The following SEC16A variants were observed in gnomAD, a reference collection of about 807,000 sequenced individuals.
SEC16A encodes the protein SEC16 homolog A, endoplasmic reticulum export factor, also known as protein transport protein Sec16A.
Under a neutral mutation model 221.9 loss-of-function variants are expected in SEC16A, and 110 were observed. The ratio of observed to expected loss-of-function variants is 0.50; its 90% CI spans 0.42 to 0.58. The LOEUF is 0.58. SEC16A is among the 20% of genes least tolerant of loss of function. The probability of loss-of-function intolerance (pLI) is 0.00; values close to 1 mark genes in which losing one functional copy is unlikely to be tolerated. For synonymous variants in SEC16A, 1,393 were observed against 1,257.7 expected, an observed-to-expected ratio of 1.11 and a Z score of -2.28; for missense variants, 3,165 against 3,097.8, an observed-to-expected ratio of 1.02 and a Z score of -0.52.
At position 136,476,284 on chromosome 9, in the gene SEC16A, C is replaced by T. The variant is rs375447492; in HGVS notation, c.1332G>A (p.Ala444=). 3.8e-5 allele frequency: 62 copies of T among 1,613,164 alleles called. No homozygotes were observed. The highest frequency in any genetic ancestry group is 4.8e-5 in the Non-Finnish European group (57 of 1,179,878). The part of the protein sequence containing the change: ...EAAGDVWGDT[A]STGVPDASGS... The stretch of plus-strand genomic sequence containing the variant: ...CGCTGGCATCCGGCACCCCTGTGCT[C>T]GCTGTGTCACCCCACACATCACCAG... The change falls in exon 3 of 32, where the codon GCG becomes GCA. Residue 444 remains alanine, a synonymous_variant. Coordinates refer to ENST00000684901, the MANE Select transcript of SEC16A (RefSeq NM_014866.2).
At chr9:136,456,532 G>C (rs549730939) in intron 18 of SEC16A, among the ~76,000 whole-genome samples, 4 of 152,198 alleles carry the variant, frequency 2.6e-5, no homozygotes, top group South Asian at 2.1e-4. Context: ...CGGGACAGAG[G>C]GGGCAGAACA....
chr9:136,476,707 C>A lies in SEC16A; in HGVS notation c.909G>T (p.Arg303Ser). 1 of 1,584,000 alleles carries A rather than the reference C, an allele frequency of 6.3e-7. No homozygotes were observed. Among genetic ancestry groups the A allele is most frequent in the South Asian group, 1.1e-5 (1 of 87,364 alleles). ...AGTGATTCACAATTCTGGGATTTTGCCTGAATGTACTTTCAGGATCAGAGT... is the reference window on the plus strand; with the variant it reads ...AGTGATTCACAATTCTGGGATTTTGACTGAATGTACTTTCAGGATCAGAGT... ...ANNSDPESTF[R>S]QNPRIVNHWA... The change falls in exon 3 of 32, where the codon AGG becomes AGT. Residue 303 changes from arginine to serine, a missense_variant. Arg to Ser is a moderately radical substitution (Grantham distance 110, BLOSUM62 -1). This residue lies in a region of SEC16A where 2,030 missense variants were observed against 1,923.1 expected (regional missense o/e 1.06). Coordinates refer to ENST00000684901, the MANE Select transcript of SEC16A (RefSeq NM_014866.2).
chr9:136,441,899 G>A lies in SEC16A; in HGVS notation c.7006-76C>T, dbSNP rs1282238383. The A allele has an allele frequency of 3.8e-6, 5 of 1,313,444 alleles. No individual in the cohort carries two copies. In the African/African-American group the frequency reaches 7.2e-5, roughly 19 times the overall value. The allele number at this position is 1,313,444 out of a possible 1,614,324, so 81.4% of individuals were successfully genotyped here. A position where few individuals can be genotyped will look rare whatever the true frequency, so the allele number is the denominator to read the frequency against. ...CAGTGCTCGGCTGCAGCGTGGCAGG[G>A]GCTGGTCCACATAATGAACCACACG... On this transcript the variant is annotated intron_variant, in intron 31 of 31. Coordinates refer to ENST00000684901, the MANE Select transcript of SEC16A (RefSeq NM_014866.2).
Position 136,445,070 on chromosome 9 carries a change from C to G in SEC16A, c.6909G>C (p.Val2303=), listed in dbSNP as rs1167882691. The change falls in exon 30 of 32, where the codon GTG becomes GTC. Residue 2303 remains valine, a synonymous_variant. Transcript: ENST00000684901. The part of the protein sequence containing the change: ...CSSMSSLSRE[V]SQHFNQAPGD... ...CAGGTACCTGATTAAAATGCTGGCT[C>G]ACTTCACGTGATAATGAACTCATTG... The G allele has an allele frequency of 6.2e-7, 1 of 1,607,220 alleles. No individual in the cohort carries two copies. Among genetic ancestry groups the G allele is most frequent in the South Asian group, 1.1e-5 (1 of 89,338 alleles).
chr9:136,449,557 G>A (rs542648564), intron 23 of SEC16A, among the ~76,000 whole-genome samples: 12 of 151,490 alleles, frequency 7.9e-5, no homozygotes, highest in East Asian at 1.9e-4. Context: ...CTCCCAGAAT[G>A]CTGGGGTGAC....
intron 22 of SEC16A, 42 bp downstream of exon 22, chr9:136,453,386 C>A (rs1168666132): frequency 6.6e-7 from 1 of 1,503,916 alleles, no homozygotes; most frequent in Admixed American, 1.7e-5. Context: ...ACTCGATGAA[C>A]TTTATGGAAA....
chr9:136,452,040 T>C (rs1837884835), intron 22 of SEC16A, among the ~76,000 whole-genome samples: 1 of 152,198 alleles, frequency 6.6e-6, no homozygotes, highest in Non-Finnish European at 1.5e-5. Flanking sequence ...CAAACATGTC[T>C]AATGAGATAA....
rs375311104 is a variant in SEC16A at position 136,466,391 on chromosome 9, G to A, written c.4001C>T (p.Pro1334Leu). The A allele has an allele frequency of 9.1e-5, 146 of 1,603,480 alleles. No individual in the cohort carries two copies. The highest frequency in any genetic ancestry group is 2.0e-4 in the East Asian group (9 of 44,438). ...FTGSFDDDPDPHRDPYGEEVD... is the reference protein window; with the variant it reads ...FTGSFDDDPDLHRDPYGEEVD... ...CTCTTCCCCATAAGGGTCTCTGTGC[G>A]GATCGGGGTCATCGTCAAAACTCCC... The change falls in exon 7 of 32, where the codon CCG (proline) becomes CTG (leucine). Residue 1334 changes from proline (P) to leucine (L), a missense_variant. By Grantham distance (98) the Pro-to-Leu change is moderately conservative. Transcript: ENST00000684901. The surrounding 1 kb of genome is among the most constrained non-coding windows in gnomAD (Gnocchi z 5.5).
intron 22 of SEC16A, among the ~76,000 whole-genome samples, chr9:136,452,548 T>C (rs1837984424): frequency 6.9e-6 from 1 of 145,166 alleles, no homozygotes; most frequent in African/African-American, 2.6e-5. Flanking sequence ...GCAGATCACT[T>C]GAGGTCAGGA....
chr9:136,477,604 C>A lies in SEC16A; in HGVS notation c.12G>T (p.Pro4=). ...CCATGCCAGACGGGACCGTCTGGGG[C>A]GGTGGCTGCATGACTGAACCCTTGC... MQP[P]PQTVPSGMAG... The change falls in exon 3 of 32, where the codon CCG becomes CCT. Residue 4 remains proline (P), a synonymous_variant. Coordinates refer to ENST00000684901, the MANE Select transcript of SEC16A (RefSeq NM_014866.2). 6.2e-7 allele frequency: 1 copy of A among 1,607,034 alleles called. No homozygotes were observed. Among genetic ancestry groups the A allele is most frequent in the Non-Finnish European group, 8.5e-7 (1 of 1,176,886 alleles).
In SEC16A at chr9:136,447,186, C is replaced by G; in HGVS notation, c.6697+41G>C. The G allele has an allele frequency of 6.4e-7, 1 of 1,570,758 alleles. No individual in the cohort carries two copies. The highest frequency in any genetic ancestry group is 8.6e-7 in the Non-Finnish European group (1 of 1,157,874). ...AGAAAGAGGATCAAAGGTCAGGAGACTGGGGGCTGACCTGGAGGGGCTGGT... is the reference window on the plus strand; with the variant it reads ...AGAAAGAGGATCAAAGGTCAGGAGAGTGGGGGCTGACCTGGAGGGGCTGGT... On this transcript the variant is annotated intron_variant, in intron 27 of 31. Transcript: ENST00000684901. This position sits in a 1 kb window ranked among gnomAD's most constrained non-coding sequence, Gnocchi z 5.5.
intron 22 of SEC16A, among the ~76,000 whole-genome samples, chr9:136,451,854 G>A (rs1259083238): frequency 6.6e-6 from 1 of 152,180 alleles, no homozygotes; most frequent in Non-Finnish European, 1.5e-5. Context: ...CTTTTCCAGG[G>A]ACACAGTATT....
intron 17 of SEC16A, 104 bp from the exon 18 acceptor site, chr9:136,457,688 G>A (rs921701310): frequency 1.4e-5 from 20 of 1,381,372 alleles, no homozygotes; most frequent in Admixed American, 2.3e-5. Flanking sequence ...TCCGAGCATC[G>A]CCCTGTGAGC....
intron 23 of SEC16A, among the ~76,000 whole-genome samples, chr9:136,450,204 A>AAAACAAAC (rs376017444): frequency 6.6e-6 from 1 of 152,124 alleles, no homozygotes; most frequent in East Asian, 1.9e-4. Flanking sequence ...ACCCTGTCTC[A>AAAACAAAC]AAACAAACAA....
At chr9:136,460,709 T>C (rs1839362132) in intron 13 of SEC16A, among the ~76,000 whole-genome samples, 1 of 151,936 alleles carries the variant, frequency 6.6e-6, no homozygotes, top group Non-Finnish European at 1.5e-5. Context: ...GCTAGGAGTT[T>C]TGAGACCGGC....
In SEC16A at chr9:136,440,569, T is replaced by A. The variant is rs534206219; in HGVS notation, c.*1186A>T. 5 of 152,840 alleles carry A rather than the reference T, an allele frequency of 3.3e-5. No homozygotes were observed. Among genetic ancestry groups the A allele is most frequent in the Admixed American group, 3.3e-4 (5 of 15,308 alleles). 9.5% of individuals were successfully genotyped at this position (152,840 alleles called of 1,614,324 possible). A position where few individuals can be genotyped will look rare whatever the true frequency, so the allele number is the denominator to read the frequency against. Reference sequence around the variant, plus strand: ...AATCTTTTCTTCAGTCTCTTTAGACTTGACAAGAATACGAAGAGTTTCAGA... The same window carrying A: ...AATCTTTTCTTCAGTCTCTTTAGACATGACAAGAATACGAAGAGTTTCAGA... On this transcript the variant is annotated 3_prime_UTR_variant, in exon 32 of 32. Coordinates refer to ENST00000684901, the MANE Select transcript of SEC16A (RefSeq NM_014866.2).
chr9:136,450,146 G>C (rs1029695777), intron 23 of SEC16A, among the ~76,000 whole-genome samples: 1 of 152,166 alleles, frequency 6.6e-6, no homozygotes, highest in African/African-American at 2.4e-5. Context: ...GGAGGTTGCA[G>C]TGAGCCAAGA....
At chr9:136,456,200 C>A (rs758423764) in intron 18 of SEC16A, 34 bp from the exon 19 acceptor site, 2 of 1,514,680 alleles carry the variant, frequency 1.3e-6, no homozygotes, top group Non-Finnish European at 1.8e-6. Context: ...GCCCCTGTCA[C>A]CACCGGGTGA....
chr9:136,480,005 A>C (rs34602454), intron 1 of SEC16A, among the ~76,000 whole-genome samples: 31,964 of 152,076 alleles, frequency 0.21, 3,640 homozygotes, highest in Non-Finnish European at 0.27. Context: ...GTCTCAAAAA[A>C]AAAAAGAAGA....
Sources: gnomAD v4.1 joint callset for allele counts (sites outside exome capture counted in the v4.1 genomes callset) on GRCh38, gnomAD v4.1.1 for gene constraint, gnomAD v4.1.1 regional missense constraint, Gnocchi (gnomAD v3.1) non-coding constraint, MANE v1.5 for transcripts, NCBI Gene and HGNC (gene_info 2026-07-23, HGNC 2026-07-21) for gene names.